The following HS3ST4 variants were observed in gnomAD, a reference collection of about 807,000 sequenced individuals.
The protein encoded by HS3ST4 is heparan sulfate glucosamine 3-O-sulfotransferase 4.
A neutral mutation model predicts 29.2 loss-of-function variants in HS3ST4; 17 were observed. The observed-to-expected ratio is 0.58, with a 90% CI of 0.40 to 0.87. The LOEUF is 0.87. Ranked by LOEUF, HS3ST4 falls within the 40% of genes least tolerant of loss-of-function variation. The pLI, the probability that HS3ST4 is intolerant of heterozygous loss-of-function variation, is 0.00. For synonymous variants in HS3ST4, 314 were observed against 285.7 expected, an observed-to-expected ratio of 1.10 and a Z score of -1.00; for missense variants, 627 against 634.5, an observed-to-expected ratio of 0.99 and a Z score of 0.13.
chr16:25,897,732 G>A (rs1039957001), intron 1 of HS3ST4, among the ~76,000 whole-genome samples: 6 of 152,078 alleles, frequency 3.9e-5, no homozygotes, highest in Admixed American at 1.3e-4. Context: ...CGTTCTGCCT[G>A]GGGGAGGTGC....
At chr16:25,759,657 G>A (rs1229333006) in intron 1 of HS3ST4, among the ~76,000 whole-genome samples, 1 of 152,208 alleles carries the variant, frequency 6.6e-6, no homozygotes, top group Non-Finnish European at 1.5e-5. Context: ...AGGCTCAGTG[G>A]CCCATGCCTG....
At chr16:25,964,151 A>G (rs1278773833) in intron 1 of HS3ST4, among the ~76,000 whole-genome samples, 6 of 149,742 alleles carry the variant, frequency 4.0e-5, no homozygotes, top group Non-Finnish European at 7.4e-5. Flanking sequence ...CTCCAGCCTG[A>G]GTGACAAGAT....
chr16:25,706,271 C>A (rs1966375346), intron 1 of HS3ST4, among the ~76,000 whole-genome samples: 1 of 152,192 alleles, frequency 6.6e-6, no homozygotes, highest in African/African-American at 2.4e-5. Context: ...AAGATTCTGT[C>A]ATTTGGTTCT....
intron 1 of HS3ST4, among the ~76,000 whole-genome samples, chr16:25,959,582 G>A (rs1399834855): frequency 6.6e-6 from 1 of 152,162 alleles, no homozygotes; most frequent in Non-Finnish European, 1.5e-5. Flanking sequence ...AGAAAAGCCT[G>A]TGAAAAAGGG....
At chr16:25,747,503 T>C (rs1966692340) in intron 1 of HS3ST4, among the ~76,000 whole-genome samples, 1 of 152,214 alleles carries the variant, frequency 6.6e-6, no homozygotes, top group Admixed American at 6.5e-5. Flanking sequence ...AACCAAGAAG[T>C]AACAGCTACC....
At chr16:25,829,078 G>A (rs1452050124) in intron 1 of HS3ST4, among the ~76,000 whole-genome samples, 4 of 152,208 alleles carry the variant, frequency 2.6e-5, no homozygotes, top group African/African-American at 9.7e-5. Flanking sequence ...TACTGACCAA[G>A]GGCAAATGGG....
chr16:25,836,694 C>G (rs761218362), intron 1 of HS3ST4, among the ~76,000 whole-genome samples: 2 of 152,106 alleles, frequency 1.3e-5, no homozygotes, highest in African/African-American at 4.8e-5. Flanking sequence ...AAATGAAAAA[C>G]AATATCATGC....
chr16:25,816,759 G>A (rs537557026), intron 1 of HS3ST4, among the ~76,000 whole-genome samples: 2 of 152,278 alleles, frequency 1.3e-5, no homozygotes, highest in South Asian at 4.1e-4. Flanking sequence ...CGAAGTCAGA[G>A]GTCGAGGAGC....
chr16:26,074,953 G>C (rs1260958456), intron 1 of HS3ST4, among the ~76,000 whole-genome samples: 4 of 152,218 alleles, frequency 2.6e-5, no homozygotes, highest in African/African-American at 9.6e-5. Flanking sequence ...CCAGCACTTT[G>C]GGAGGCTGAG....
intron 1 of HS3ST4, among the ~76,000 whole-genome samples, chr16:25,734,104 G>A (rs1443612620): frequency 6.6e-6 from 1 of 152,132 alleles, no homozygotes; most frequent in Non-Finnish European, 1.5e-5. Context: ...GTGACAGAGC[G>A]AGACTCCGTC....
chr16:26,099,817 A>G (rs1284513484), intron 1 of HS3ST4, among the ~76,000 whole-genome samples: 2 of 152,174 alleles, frequency 1.3e-5, no homozygotes, highest in African/African-American at 4.8e-5. Context: ...ACACACGCAC[A>G]CACGCATGCC....
chr16:25,715,346 CCA>C (rs1491338290), intron 1 of HS3ST4, among the ~76,000 whole-genome samples: 27 of 11,312 alleles, frequency 2.4e-3, no homozygotes, highest in South Asian at 0.019. Context: ...AAAAAAAAAA[CCA>C]AAAAAAAAAA....
chr16:25,793,219 C>T (rs1966873841), intron 1 of HS3ST4, among the ~76,000 whole-genome samples: 1 of 151,882 alleles, frequency 6.6e-6, no homozygotes, highest in Admixed American at 6.6e-5. Flanking sequence ...TTTTAATAAA[C>T]ATTCAGATAC....
intron 1 of HS3ST4, among the ~76,000 whole-genome samples, chr16:25,840,025 T>A (rs1007089542): frequency 6.6e-6 from 1 of 152,212 alleles, no homozygotes; most frequent in African/African-American, 2.4e-5. Context: ...CAGAATGATA[T>A]GGTTGAGTTA....
intron 1 of HS3ST4, among the ~76,000 whole-genome samples, chr16:25,937,018 G>C (rs1320873611): frequency 6.6e-6 from 1 of 152,186 alleles, no homozygotes; most frequent in Admixed American, 6.5e-5. Context: ...CTTTGGATAA[G>C]ATTGGTTCAG....
At chr16:25,804,745 A>AT (rs1405651602) in intron 1 of HS3ST4, among the ~76,000 whole-genome samples, 1 of 151,724 alleles carries the variant, frequency 6.6e-6, no homozygotes, top group African/African-American at 2.4e-5. Context: ...ACCGCACAAC[A>AT]TTTTTTTCTA....
chr16:25,716,859 G>T (rs944495381), intron 1 of HS3ST4, among the ~76,000 whole-genome samples: 1 of 152,152 alleles, frequency 6.6e-6, no homozygotes, highest in South Asian at 2.1e-4. Flanking sequence ...TTTGAGACCA[G>T]CCTGGCCAAC....
rs139336809 is a variant in HS3ST4, at chr16:25,824,262, C to A, written c.734+131111C>A. On this transcript the variant is annotated intron_variant, in intron 1 of 1. Transcript: ENST00000331351. The stretch of plus-strand genomic sequence containing the variant: ...GGCCTGAATACTCAATGAGCAAATC[C>A]GATCCTTCCACATACTGTTTATGGC... Among the ~76,000 whole-genome samples, 463 of 152,234 alleles carry A rather than the reference C, an allele frequency of 3.0e-3. 1 individual carries two copies. Among genetic ancestry groups the A allele is most frequent in the Middle Eastern group, 6.8e-3 (2 of 294 alleles).
intron 1 of HS3ST4, among the ~76,000 whole-genome samples, chr16:26,109,431 G>T (rs1161114095): frequency 6.6e-6 from 1 of 152,166 alleles, no homozygotes; most frequent in Admixed American, 6.5e-5. Context: ...TTTACTAGTG[G>T]TAGTAATTCG....
Sources: allele counts gnomAD v4.1 joint callset (sites outside exome capture counted in the v4.1 genomes callset), GRCh38; gene constraint gnomAD v4.1.1; transcripts MANE v1.5; gene names NCBI Gene and HGNC (gene_info 2026-07-23, HGNC 2026-07-21).